The following COX10 variants were observed in gnomAD, a reference collection of about 807,000 sequenced individuals.
COX10 encodes protoheme IX farnesyltransferase, mitochondrial.
In COX10, 27 loss-of-function variants were observed where a neutral mutation model predicts 37.3. That is an observed-to-expected ratio of 0.72 (90% CI 0.53 to 1.00). The LOEUF (loss-of-function observed/expected upper bound fraction) is 1.00, where lower values mean the gene tolerates loss of function less well. Ranked by LOEUF, COX10 falls within the 50% of genes least tolerant of loss-of-function variation. COX10 has a pLI of 0.00. For synonymous variants in COX10, 222 were observed against 229.1 expected, an observed-to-expected ratio of 0.97 and a Z score of 0.28; for missense variants, 475 against 563.2, an observed-to-expected ratio of 0.84 and a Z score of 1.59.
At chr17:14,100,774 A>G (rs962281574) in intron 3 of COX10, among the ~76,000 whole-genome samples, 1 of 152,320 alleles carries the variant, frequency 6.6e-6, no homozygotes, top group South Asian at 2.1e-4. Flanking sequence ...TTTTAAAAAC[A>G]TCACTCTGAA....
chr17:14,124,017 G>A (rs1488647608), intron 4 of COX10, among the ~76,000 whole-genome samples: 1 of 152,088 alleles, frequency 6.6e-6, no homozygotes, highest in African/African-American at 2.4e-5. Context: ...CAGATAAAAT[G>A]TTTACAACAG....
chr17:14,109,736 C>T (rs1915972093), intron 4 of COX10, among the ~76,000 whole-genome samples: 1 of 152,116 alleles, frequency 6.6e-6, no homozygotes, highest in African/African-American at 2.4e-5. Context: ...CTTCCTGCTA[C>T]CAGGTTAACT....
chr17:14,076,926 A>G lies in COX10; in HGVS notation c.369A>G (p.Pro123=). The change falls in exon 3 of 7, where the codon CCA becomes CCG. Residue 123 remains proline, a synonymous_variant. Coordinates refer to ENST00000261643, the MANE Select transcript of COX10 (RefSeq NM_001303.4). ...PNEKELIELE[P]DSVIEDSIDV... ...AAAAGGAATTGATAGAACTAGAGCC[A>G]GACTCAGTAATTGAAGACTCAATAG... The G allele has an allele frequency of 6.2e-7, 1 of 1,614,222 alleles. No individual in the cohort carries two copies. Among genetic ancestry groups the G allele is most frequent in the Non-Finnish European group, 8.5e-7 (1 of 1,180,034 alleles).
intron 1 of COX10, among the ~76,000 whole-genome samples, chr17:14,071,373 C>G (rs1013291628): frequency 1.3e-5 from 2 of 152,214 alleles, no homozygotes; most frequent in East Asian, 3.9e-4. Context: ...CAGCTTACTC[C>G]CTGAAGCTGT....
intron 4 of COX10, among the ~76,000 whole-genome samples, chr17:14,116,872 A>G (rs564907756): frequency 6.6e-6 from 1 of 152,180 alleles, no homozygotes; most frequent in Non-Finnish European, 1.5e-5. Context: ...GGAAATATAA[A>G]TGAGATCATA....
At chr17:14,089,158 C>G (rs1465616856) in intron 3 of COX10, among the ~76,000 whole-genome samples, 1 of 152,190 alleles carries the variant, frequency 6.6e-6, no homozygotes, top group Non-Finnish European at 1.5e-5. Flanking sequence ...ACTGGGCTCT[C>G]TCATTATTCA....
intron 5 of COX10, among the ~76,000 whole-genome samples, chr17:14,169,760 A>C (rs1410466710): frequency 1.3e-5 from 2 of 152,192 alleles, no homozygotes; most frequent in Non-Finnish European, 2.9e-5. Context: ...ACTTACATTG[A>C]AGGGTGAACA....
rs1056735842 is a variant in COX10 at position 14,091,430 on chromosome 17, A to G, written c.500-10688A>G. Among the ~76,000 whole-genome samples the G allele has an allele frequency of 3.3e-5, 5 of 152,244 alleles. No individual in the cohort carries two copies. In the South Asian group the frequency reaches 8.3e-4, roughly 25 times the overall value. On this transcript the variant is annotated intron_variant, in intron 3 of 6. Coordinates refer to ENST00000261643, the MANE Select transcript of COX10 (RefSeq NM_001303.4). Reference sequence around the variant, plus strand: ...TTTAGTTGTTGATCATCTCAAAAGTATTTCTAAAAGATTCTTGCTAGAAAG... The same window carrying G: ...TTTAGTTGTTGATCATCTCAAAAGTGTTTCTAAAAGATTCTTGCTAGAAAG...
At chr17:14,121,734 T>C (rs1916234226) in intron 4 of COX10, among the ~76,000 whole-genome samples, 1 of 152,206 alleles carries the variant, frequency 6.6e-6, no homozygotes, top group Admixed American at 6.5e-5. Flanking sequence ...AGAACATAAA[T>C]AAAGTGATAT....
intron 4 of COX10, among the ~76,000 whole-genome samples, chr17:14,120,085 A>C (rs1449067915): frequency 2.0e-5 from 3 of 152,176 alleles, no homozygotes; most frequent in Admixed American, 6.5e-5. Flanking sequence ...GAGAGAAAGA[A>C]GTTTTTGAGG....
chr17:14,161,047 C>T lies in COX10; in HGVS notation c.695+1100C>T, dbSNP rs541022643. Among the ~76,000 whole-genome samples, 3 of 152,188 alleles carry T rather than the reference C, an allele frequency of 2.0e-5. No homozygotes were observed. The South Asian group carries it at 6.2e-4, about 32-fold the overall frequency. On this transcript the variant is annotated intron_variant, in intron 5 of 6. Transcript: ENST00000261643. ...TCATTTTTCCTCAGTGAAATTATAC[C>T]CTCCTTTAGAACCAGGGAATTGTAG...
intron 4 of COX10, among the ~76,000 whole-genome samples, 191 bp downstream of exon 4, chr17:14,102,433 T>C (rs534195896): frequency 7.7e-4 from 117 of 152,316 alleles, no homozygotes; most frequent in Non-Finnish European, 1.3e-3. Context: ...TTTTCAGATA[T>C]GTTCAGGTGA....
At chr17:14,181,553 A>G (rs1233719381) in intron 5 of COX10, among the ~76,000 whole-genome samples, 1 of 152,106 alleles carries the variant, frequency 6.6e-6, no homozygotes, top group African/African-American at 2.4e-5. Flanking sequence ...AGCTTTTCAA[A>G]GACTCTTTAA....
At chr17:14,153,986 A>G (rs1169579301) in intron 4 of COX10, among the ~76,000 whole-genome samples, 1 of 152,240 alleles carries the variant, frequency 6.6e-6, no homozygotes, top group South Asian at 2.1e-4. Flanking sequence ...CAAGATGATG[A>G]ATATCAAAAG....
chr17:14,088,204 A>G (rs1288204536), intron 3 of COX10, among the ~76,000 whole-genome samples: 1 of 151,968 alleles, frequency 6.6e-6, no homozygotes, highest in Non-Finnish European at 1.5e-5. Context: ...TATGTAGTGT[A>G]TTTTTTTGCT....
intron 4 of COX10, among the ~76,000 whole-genome samples, chr17:14,128,072 C>T (rs558814913): frequency 3.3e-5 from 5 of 150,814 alleles, no homozygotes; most frequent in East Asian, 1.9e-4. Flanking sequence ...TAAGTCTAGA[C>T]GTTTTATGTT....
At chr17:14,151,406 T>C (rs1344407020) in intron 4 of COX10, among the ~76,000 whole-genome samples, 1 of 152,166 alleles carries the variant, frequency 6.6e-6, no homozygotes, top group Non-Finnish European at 1.5e-5. Flanking sequence ...TGCCAAGTTA[T>C]GGCATCCTGG....
intron 6 of COX10, among the ~76,000 whole-genome samples, chr17:14,205,143 CT>C (rs5819459): frequency 0.71 from 106,723 of 151,362 alleles, 38,407 homozygotes; most frequent in Non-Finnish European, 0.79. Flanking sequence ...CACCACCTTC[CT>C]TTTTTTTTAA....
At chr17:14,081,781 A>C (rs1201977632) in intron 3 of COX10, among the ~76,000 whole-genome samples, 3 of 152,320 alleles carry the variant, frequency 2.0e-5, no homozygotes, top group East Asian at 3.9e-4. Flanking sequence ...TTAAAAAATA[A>C]ATTTAATACC....
Sources: allele counts gnomAD v4.1 joint callset (sites outside exome capture counted in the v4.1 genomes callset), GRCh38; gene constraint gnomAD v4.1.1; transcripts MANE v1.5; gene names NCBI Gene and HGNC (gene_info 2026-07-23, HGNC 2026-07-21).